MFHAS1: variants seen among roughly 807,000 people sequenced by gnomAD.
MFHAS1 encodes multifunctional ROCO family signaling regulator 1.
MFHAS1 carries 50 observed loss-of-function variants against 70.4 expected under a neutral mutation model. That is an observed-to-expected ratio of 0.71 (90% CI 0.57 to 0.90). The LOEUF (loss-of-function observed/expected upper bound fraction) is 0.90. Among genes scored for constraint, MFHAS1 ranks in the 40% least tolerant of loss-of-function variants. The pLI is 0.00. For synonymous variants in MFHAS1, 952 were observed against 620.0 expected, an observed-to-expected ratio of 1.54 and a Z score of -7.96; for missense variants, 1,795 against 1,347.6, an observed-to-expected ratio of 1.33 and a Z score of -5.20.
At chr8:8,879,164 C>G (rs1809409856) in intron 1 of MFHAS1, among the ~76,000 whole-genome samples, 1 of 152,112 alleles carries the variant, frequency 6.6e-6, no homozygotes, top group African/African-American at 2.4e-5. Context: ...GGCTGGCCAA[C>G]ACGATGAAAC....
At chr8:8,794,035 A>C (rs1333211478) in intron 2 of MFHAS1, among the ~76,000 whole-genome samples, 1 of 152,090 alleles carries the variant, frequency 6.6e-6, no homozygotes, top group Non-Finnish European at 1.5e-5. Context: ...CAAAAAATAC[A>C]AAAAATTAGC....
At chr8:8,847,119 T>C (rs1808065563) in intron 1 of MFHAS1, among the ~76,000 whole-genome samples, 1 of 152,198 alleles carries the variant, frequency 6.6e-6, no homozygotes, top group African/African-American at 2.4e-5. Context: ...ATGATATTTT[T>C]CGTAATTGGC....
In MFHAS1 at chr8:8,784,647, A is replaced by G. The variant is rs1381295207; in HGVS notation, c.*1375T>C. On this transcript the variant is annotated 3_prime_UTR_variant, in exon 3 of 3. Transcript: ENST00000276282. ...GAGTCAATACTTTACAAAAGAAGTA[A>G]AAGAGTAGCGAGTACCAGCAACTCA... 9 of 152,220 alleles carry G rather than the reference A, an allele frequency of 5.9e-5. No homozygotes were observed. Among genetic ancestry groups the G allele is most frequent in the African/African-American group, 2.2e-4 (9 of 41,448 alleles). The allele number at this position is 152,220 out of a possible 1,614,324, so 9.4% of individuals were successfully genotyped here. A position where few individuals can be genotyped will look rare whatever the true frequency, so the allele number is the denominator to read the frequency against.
rs780305745 is a variant in MFHAS1 at position 8,797,505 on chromosome 8, G to C, written c.2999-14C>G. ...TCAGCAACTCCCCTGTAGGAGGAGAGAGAAAAACGTGTTAGGGAGATGTGC... is the reference window on the plus strand; with the variant it reads ...TCAGCAACTCCCCTGTAGGAGGAGACAGAAAAACGTGTTAGGGAGATGTGC... On this transcript the variant is annotated splice_polypyrimidine_tract_variant and intron_variant, in intron 1 of 2. Transcript: ENST00000276282. The C allele has an allele frequency of 3.1e-6, 5 of 1,611,390 alleles. No homozygotes were observed. The highest frequency in any genetic ancestry group is 3.4e-6 in the Non-Finnish European group (4 of 1,178,232).
chr8:8,861,467 T>C (rs1018445876), intron 1 of MFHAS1, among the ~76,000 whole-genome samples: 1 of 152,310 alleles, frequency 6.6e-6, no homozygotes, highest in East Asian at 1.9e-4. Flanking sequence ...ACAATATTCA[T>C]ATACAAAGGA....
Position 8,784,034 on chromosome 8 carries a change from T to A in MFHAS1, c.*1988A>T, listed in dbSNP as rs1805449225. The A allele has an allele frequency of 6.6e-6, 1 of 152,158 alleles. No homozygotes were observed. Among genetic ancestry groups the A allele is most frequent in the African/African-American group, 2.4e-5 (1 of 41,438 alleles). The allele number at this position is 152,158 out of a possible 1,614,324, so 9.4% of individuals were successfully genotyped here. A position where few individuals can be genotyped will look rare whatever the true frequency, so the allele number is the denominator to read the frequency against. The stretch of plus-strand genomic sequence containing the variant: ...GGTCAAAAATATTAGATATTAAGAA[T>A]GTGGGCGTTTATGTTCGTAACAGCA... On this transcript the variant is annotated 3_prime_UTR_variant, in exon 3 of 3. Coordinates refer to ENST00000276282, the MANE Select transcript of MFHAS1 (RefSeq NM_004225.3).
chr8:8,824,160 A>G (rs1033172213), intron 1 of MFHAS1, among the ~76,000 whole-genome samples: 3 of 151,740 alleles, frequency 2.0e-5, no homozygotes, highest in East Asian at 2.0e-4. Context: ...CTCCCTTGAG[A>G]AGAAGCCAGT....
chr8:8,813,029 A>G (rs1198812584), intron 1 of MFHAS1, among the ~76,000 whole-genome samples: 1 of 152,150 alleles, frequency 6.6e-6, no homozygotes, highest in Non-Finnish European at 1.5e-5. Context: ...AGCCTCCCAA[A>G]GTGCTGGGAT....
In MFHAS1 at chr8:8,810,103, GC is replaced by G. The variant is rs537522025; in HGVS notation, c.2999-12613del. Among the ~76,000 whole-genome samples the G allele has an allele frequency of 5.2e-3, 790 of 152,242 alleles. 9 individuals are homozygous for G. Among genetic ancestry groups the G allele is most frequent in the African/African-American group, 0.018 (764 of 41,560 alleles). On this transcript the variant is annotated intron_variant, in intron 1 of 2. Coordinates refer to ENST00000276282, the MANE Select transcript of MFHAS1 (RefSeq NM_004225.3). ...GAAGCCAGGCCGGGCGCAGTGGCTC[GC>G]GCCTGTAATCCCATCACTTTGGGAG...
chr8:8,858,975 G>A (rs1248301936), intron 1 of MFHAS1, among the ~76,000 whole-genome samples: 2 of 152,206 alleles, frequency 1.3e-5, no homozygotes, highest in African/African-American at 4.8e-5. Context: ...AGCTCCAGCG[G>A]ATGTTACTTC....
At chr8:8,872,557 T>C (rs1809118050) in intron 1 of MFHAS1, among the ~76,000 whole-genome samples, 1 of 152,102 alleles carries the variant, frequency 6.6e-6, no homozygotes, top group African/African-American at 2.4e-5. Flanking sequence ...ATCCCTGCTA[T>C]TTGGGTAAGC....
chr8:8,846,258 A>T (rs1386328237), intron 1 of MFHAS1, among the ~76,000 whole-genome samples: 1 of 51,044 alleles, frequency 2.0e-5, no homozygotes, highest in Non-Finnish European at 3.8e-5. Context: ...GTCTCCAAAA[A>T]AAAGGGGGGG....
intron 1 of MFHAS1, among the ~76,000 whole-genome samples, chr8:8,824,137 G>A (rs903251975): frequency 4.0e-5 from 6 of 151,508 alleles, no homozygotes; most frequent in East Asian, 2.0e-4. Flanking sequence ...CCTGACCAGT[G>A]GGGTCCTCTA....
intron 1 of MFHAS1, among the ~76,000 whole-genome samples, chr8:8,810,535 TGAA>T (rs1806507029): frequency 6.6e-6 from 1 of 152,222 alleles, no homozygotes; most frequent in Admixed American, 6.5e-5. Context: ...AAGACGATGA[TGAA>T]GATCTTTATG....
intron 2 of MFHAS1, among the ~76,000 whole-genome samples, chr8:8,789,770 C>G (rs1258631882): frequency 6.6e-6 from 1 of 152,176 alleles, no homozygotes; most frequent in African/African-American, 2.4e-5. Flanking sequence ...GAACCCACAC[C>G]TGGAACACCT....
chr8:8,847,544 G>C (rs1252563441), intron 1 of MFHAS1, among the ~76,000 whole-genome samples: 1 of 152,136 alleles, frequency 6.6e-6, no homozygotes, highest in Non-Finnish European at 1.5e-5. Context: ...GGATCTACTT[G>C]ACAAAAGACA....
chr8:8,799,258 CAAT>C, intron 1 of MFHAS1, among the ~76,000 whole-genome samples: 1 of 152,184 alleles, frequency 6.6e-6, no homozygotes, highest in Non-Finnish European at 1.5e-5. Flanking sequence ...AAATTTACAA[CAAT>C]AAATAGGACA....
At chr8:8,791,607 A>C (rs10092720) in intron 2 of MFHAS1, among the ~76,000 whole-genome samples, 43,901 of 152,080 alleles carry the variant, frequency 0.29, 6,939 homozygotes, top group African/African-American at 0.39. Context: ...TCCCTGGGAA[A>C]TGGAATATTG....
intron 2 of MFHAS1, 110 bp from the exon 3 acceptor site, chr8:8,786,165 T>C: frequency 9.6e-7 from 1 of 1,042,662 alleles, no homozygotes; most frequent in South Asian, 1.3e-5. Flanking sequence ...TGCACATATT[T>C]TCATTTCTAC....
Sources: gnomAD v4.1 joint callset for allele counts (sites outside exome capture counted in the v4.1 genomes callset) on GRCh38, gnomAD v4.1.1 for gene constraint, MANE v1.5 for transcripts, NCBI Gene and HGNC (gene_info 2026-07-23, HGNC 2026-07-21) for gene names.